The following EYS variants were observed in gnomAD, a reference collection of about 807,000 sequenced individuals.
EYS encodes EGF-like photoreceptor maintenance factor, also known as protein eyes shut homolog.
A neutral mutation model predicts 282.1 loss-of-function variants in EYS; 250 were observed. The observed-to-expected ratio is 0.89, with a 90% CI of 0.80 to 0.98. EYS has a LOEUF of 0.98. EYS is among the 50% of genes least tolerant of loss of function. EYS has a pLI of 0.00. For synonymous variants in EYS, 1,355 were observed against 1,282.9 expected (o/e 1.06, Z -1.20); for missense variants, 4,016 against 3,709.0 (o/e 1.08, Z -2.15).
chr6:65,635,456 A>T (rs1767052596), intron 2 of EYS, among the ~76,000 whole-genome samples: 1 of 152,094 alleles, frequency 6.6e-6, no homozygotes, highest in African/African-American at 2.4e-5. Context: ...TTTGAGAGAC[A>T]TTTAGTTTAT....
chr6:65,256,262 C>CT (rs561232052), intron 12 of EYS, among the ~76,000 whole-genome samples: 3,148 of 137,216 alleles, frequency 0.023, 139 homozygotes, highest in African/African-American at 0.082. Flanking sequence ...AGACAAACTT[C>CT]TTTTTTTTTT....
At chr6:64,347,476 G>T (rs910470579) in intron 29 of EYS, among the ~76,000 whole-genome samples, 1 of 151,288 alleles carries the variant, frequency 6.6e-6, no homozygotes, top group Non-Finnish European at 1.5e-5. Context: ...GTATACATAT[G>T]ATGTATTAGA....
chr6:64,012,514 A>C lies in EYS; in HGVS notation c.6726-13331T>G, dbSNP rs180949540. ...ACTAACTTAAGATCTAATTGATAGC[A>C]TTATTGTTTTACCTCCCTGTTTGTA... On this transcript the variant is annotated intron_variant, in intron 33 of 42. Transcript: ENST00000503581. Among the ~76,000 whole-genome samples the C allele has an allele frequency of 2.4e-4, 36 of 152,340 alleles. 1 individual carries two copies. Among genetic ancestry groups the C allele is most frequent in the Admixed American group, 2.1e-3 (32 of 15,308 alleles).
At chr6:65,420,118 C>A (rs1162900797) in intron 5 of EYS, among the ~76,000 whole-genome samples, 1 of 151,940 alleles carries the variant, frequency 6.6e-6, no homozygotes, top group Non-Finnish European at 1.5e-5. Context: ...GTGATAATTT[C>A]TTAAAATAAG....
intron 24 of EYS, among the ~76,000 whole-genome samples, chr6:64,608,243 T>C (rs1167645104): frequency 6.6e-6 from 1 of 152,094 alleles, no homozygotes; most frequent in Non-Finnish European, 1.5e-5. Context: ...ATGTTGTATC[T>C]GCCTGGAGAA....
chr6:64,119,147 T>C (rs75220369), intron 31 of EYS, among the ~76,000 whole-genome samples: 10,391 of 152,172 alleles, frequency 0.068, 1,064 homozygotes, highest in African/African-American at 0.23. Context: ...CCATAATCAT[T>C]TGATTCAGAT....
Position 65,134,406 on chromosome 6 carries a change from C to T in EYS, c.2024-76679G>A, listed in dbSNP as rs189441253. ...GTGGTAAATATATACCATAAAATAC[C>T]AGATAGCCTTAAAAAAATAATGAGA... On this transcript the variant is annotated intron_variant, in intron 12 of 42. Coordinates refer to ENST00000503581, the MANE Select transcript of EYS (RefSeq NM_001142800.2). Among the ~76,000 whole-genome samples the T allele has an allele frequency of 3.2e-3, 493 of 151,930 alleles. 2 individuals are homozygous for T. The highest frequency in any genetic ancestry group is 3.3e-3 in the Admixed American group (51 of 15,230).
At chr6:65,593,280 G>A (rs1322748447) in intron 2 of EYS, among the ~76,000 whole-genome samples, 1 of 151,822 alleles carries the variant, frequency 6.6e-6, no homozygotes, top group Admixed American at 6.6e-5. Flanking sequence ...AAACATAAAT[G>A]GAAAAAACCA....
At chr6:64,062,837 T>A (rs1289921477) in intron 33 of EYS, among the ~76,000 whole-genome samples, 1 of 152,144 alleles carries the variant, frequency 6.6e-6, no homozygotes, top group Non-Finnish European at 1.5e-5. Flanking sequence ...TTCTCTTGAT[T>A]CCTCACTTTA....
chr6:64,400,740 C>T (rs1179902679), intron 28 of EYS, among the ~76,000 whole-genome samples: 1 of 152,048 alleles, frequency 6.6e-6, no homozygotes, highest in Non-Finnish European at 1.5e-5. Flanking sequence ...TCTCTAAAAT[C>T]AGCACCGAGG....
chr6:65,332,285 T>A (rs973062830), intron 11 of EYS: 1 of 701,490 alleles, frequency 1.4e-6, no homozygotes, highest in Non-Finnish European at 2.6e-6. Flanking sequence ...TATTGATACA[T>A]TAAATTACAT....
intron 13 of EYS, among the ~76,000 whole-genome samples, chr6:65,038,602 T>C (rs1180586219): frequency 6.6e-6 from 1 of 151,554 alleles, no homozygotes; most frequent in African/African-American, 2.4e-5. Flanking sequence ...TAAATTGTTA[T>C]TCTTAGCATA....
intron 33 of EYS, among the ~76,000 whole-genome samples, chr6:64,028,513 C>T (rs1769648767): frequency 6.6e-6 from 1 of 152,216 alleles, no homozygotes; most frequent in Non-Finnish European, 1.5e-5. Flanking sequence ...ATCCTGCTCT[C>T]TCAAATACCA....
chr6:64,636,228 G>T (rs1182606689), intron 22 of EYS, among the ~76,000 whole-genome samples: 1 of 152,138 alleles, frequency 6.6e-6, no homozygotes, highest in South Asian at 2.1e-4. Context: ...CATGGTACTA[G>T]TACCAAAACA....
At chr6:64,293,261 T>G (rs73766066) in intron 30 of EYS, among the ~76,000 whole-genome samples, 5,816 of 152,166 alleles carry the variant, frequency 0.038, 359 homozygotes, top group African/African-American at 0.13. Flanking sequence ...AATGTTTGCT[T>G]AAAAGTAGGG....
intron 12 of EYS, among the ~76,000 whole-genome samples, chr6:65,282,919 G>T (rs1768264692): frequency 6.6e-6 from 1 of 151,806 alleles, no homozygotes; most frequent in Non-Finnish European, 1.5e-5. Flanking sequence ...TTCTCAAAAA[G>T]TTTCATGTAA....
At chr6:65,467,991 A>C (rs535385410) in intron 5 of EYS, among the ~76,000 whole-genome samples, 2 of 152,126 alleles carry the variant, frequency 1.3e-5, no homozygotes, top group Non-Finnish European at 2.9e-5. Context: ...CACATCACTG[A>C]CTGTGGGAAC....
chr6:64,767,831 C>G (rs988227365), intron 22 of EYS, among the ~76,000 whole-genome samples: 1 of 151,974 alleles, frequency 6.6e-6, no homozygotes, highest in Admixed American at 6.6e-5. Flanking sequence ...TATGTTAGTT[C>G]AAGTCGTAGT....
chr6:64,816,070 G>A (rs971254368), intron 21 of EYS, among the ~76,000 whole-genome samples: 2 of 152,004 alleles, frequency 1.3e-5, no homozygotes, highest in African/African-American at 2.4e-5. Flanking sequence ...ATGGCATCAC[G>A]TTTTATTTTT....
Sources: gnomAD v4.1 joint callset for allele counts (sites outside exome capture counted in the v4.1 genomes callset) on GRCh38, gnomAD v4.1.1 for gene constraint, MANE v1.5 for transcripts, NCBI Gene and HGNC (gene_info 2026-07-23, HGNC 2026-07-21) for gene names.